Variants in ADGRL2 observed in about 807,000 individuals in gnomAD.
ADGRL2 encodes calcium-independent alpha-latrotoxin receptor 2.
ADGRL2 carries 44 observed loss-of-function variants against 157.4 expected under a neutral mutation model. That is an observed-to-expected ratio of 0.28 (90% CI 0.22 to 0.36). The LOEUF is 0.36. ADGRL2 is among the 10% of genes least tolerant of loss of function. ADGRL2 has a pLI of 1.00. For synonymous variants in ADGRL2, 585 were observed against 624.7 expected, an observed-to-expected ratio of 0.94 and a Z score of 0.95; for missense variants, 1,510 against 1,768.9, an observed-to-expected ratio of 0.85 and a Z score of 2.63.
Position 81,992,712 on chromosome 1 carries a change from T to C in ADGRL2, c.*1567T>C, listed in dbSNP as rs1414621920. On this transcript the variant is annotated 3_prime_UTR_variant, in exon 24 of 24. Transcript: ENST00000686636. Reference sequence around the variant, plus strand: ...AGGATTGGAAGTTCTGCCATCAAATTTGGGTATCATAAAAAGTTTTTAACT... The same window carrying C: ...AGGATTGGAAGTTCTGCCATCAAATCTGGGTATCATAAAAAGTTTTTAACT... Among the ~76,000 whole-genome samples the C allele has an allele frequency of 6.6e-6, 1 of 152,048 alleles. No homozygotes were observed. Among genetic ancestry groups the C allele is most frequent in the African/African-American group, 2.4e-5 (1 of 41,388 alleles).
chr1:81,780,106 G>C (rs1032954120), intron 2 of ADGRL2, among the ~76,000 whole-genome samples: 4 of 152,138 alleles, frequency 2.6e-5, no homozygotes, highest in Non-Finnish European at 1.5e-5. Context: ...TGTTCGTCTA[G>C]ATTTTTATCC....
intron 2 of ADGRL2, among the ~76,000 whole-genome samples, chr1:81,767,883 A>G (rs1476565296): frequency 2.0e-5 from 3 of 149,958 alleles, no homozygotes; most frequent in Non-Finnish European, 4.4e-5. Flanking sequence ...AAAAAAAAAG[A>G]AATTGCTGGG....
At chr1:81,478,582 T>A (rs2078320327) in intron 2 of ADGRL2, among the ~76,000 whole-genome samples, 1 of 152,208 alleles carries the variant, frequency 6.6e-6, no homozygotes, top group African/African-American at 2.4e-5. Context: ...AAGTCGCTGG[T>A]GTTTAAGCCT....
intron 2 of ADGRL2, among the ~76,000 whole-genome samples, chr1:81,877,304 T>C (rs1173261854): frequency 6.6e-6 from 1 of 152,140 alleles, no homozygotes; most frequent in Non-Finnish European, 1.5e-5. Context: ...GTCTGAATCA[T>C]AGCTCTTCTG....
chr1:81,392,148 GATAAT>G (rs967662479), intron 1 of ADGRL2, among the ~76,000 whole-genome samples: 2 of 151,030 alleles, frequency 1.3e-5, no homozygotes, highest in African/African-American at 4.9e-5. Flanking sequence ...TTGAAATATG[GATAAT>G]ATTGCTATCT....
chr1:81,895,511 G>C (rs1007412122), intron 2 of ADGRL2, among the ~76,000 whole-genome samples: 21 of 145,970 alleles, frequency 1.4e-4, no homozygotes, highest in African/African-American at 4.8e-4. Context: ...CGTTTCTCCT[G>C]CCTCAGCCTC....
intron 2 of ADGRL2, among the ~76,000 whole-genome samples, chr1:81,779,754 T>C (rs1031270443): frequency 6.6e-6 from 1 of 152,228 alleles, no homozygotes; most frequent in African/African-American, 2.4e-5. Flanking sequence ...AATCAAACTC[T>C]AAGAGCATAT....
chr1:81,629,314 T>C (rs988722995), intron 3 of ADGRL2, among the ~76,000 whole-genome samples: 2 of 152,154 alleles, frequency 1.3e-5, no homozygotes, highest in African/African-American at 2.4e-5. Flanking sequence ...TTATATCATA[T>C]TGAATGCCTG....
chr1:81,403,963 A>G (rs923772372), intron 1 of ADGRL2, among the ~76,000 whole-genome samples: 3 of 151,952 alleles, frequency 2.0e-5, no homozygotes, highest in Non-Finnish European at 2.9e-5. Context: ...ACACCCAGCT[A>G]ATTTTTGTAT....
intron 2 of ADGRL2, chr1:81,515,114 C>G (rs1185744980): frequency 6.6e-6 from 1 of 152,160 alleles, no homozygotes; most frequent in Non-Finnish European, 1.5e-5. Flanking sequence ...CTTGGCAGCT[C>G]TTCCTTTCCT....
intron 1 of ADGRL2, among the ~76,000 whole-genome samples, chr1:81,704,256 A>G: frequency 6.6e-6 from 1 of 152,218 alleles, no homozygotes; most frequent in East Asian, 1.9e-4. Context: ...TAAAAGTCTG[A>G]CTGTCTGCTT....
chr1:81,651,912 CAG>C (rs926223145), intron 3 of ADGRL2, among the ~76,000 whole-genome samples: 6 of 151,958 alleles, frequency 3.9e-5, no homozygotes, highest in African/African-American at 1.5e-4. Flanking sequence ...TTTGTAGAGA[CAG>C]GGGTCTCACT....
At chr1:81,545,585 G>T (rs2079996391) in intron 2 of ADGRL2, among the ~76,000 whole-genome samples, 1 of 152,020 alleles carries the variant, frequency 6.6e-6, no homozygotes, top group African/African-American at 2.4e-5. Context: ...TGGCCTGACT[G>T]ACTTCTAATG....
chr1:81,851,137 C>G (rs1267807234), intron 2 of ADGRL2, among the ~76,000 whole-genome samples: 1 of 151,878 alleles, frequency 6.6e-6, no homozygotes, highest in African/African-American at 2.4e-5. Flanking sequence ...GGATTAACAG[C>G]TAAGTATACT....
At chr1:81,821,157 A>G (rs561301187) in intron 1 of ADGRL2, among the ~76,000 whole-genome samples, 47 of 152,296 alleles carry the variant, frequency 3.1e-4, no homozygotes, top group Middle Eastern at 6.8e-3. Context: ...AGGAAACTAA[A>G]AATATGACAT....
intron 1 of ADGRL2, among the ~76,000 whole-genome samples, chr1:81,442,341 C>T (rs2077522758): frequency 6.6e-6 from 1 of 152,118 alleles, no homozygotes; most frequent in Non-Finnish European, 1.5e-5. Flanking sequence ...CAAAGATGAG[C>T]TTTTTTATTA....
chr1:81,699,915 C>T (rs1342022372), intron 1 of ADGRL2: 1 of 152,166 alleles, frequency 6.6e-6, no homozygotes, highest in Non-Finnish European at 1.5e-5. Flanking sequence ...GCAATCTTGC[C>T]AGTGTATTTC....
At chr1:81,308,071 C>CG (rs1557583670) in intron 1 of ADGRL2, among the ~76,000 whole-genome samples, 1 of 148,610 alleles carries the variant, frequency 6.7e-6, no homozygotes, top group African/African-American at 2.5e-5. Flanking sequence ...GGATAGCAAC[C>CG]GAAAAAAAAA....
intron 1 of ADGRL2, among the ~76,000 whole-genome samples, chr1:81,323,555 G>T (rs1660684366): frequency 6.6e-6 from 1 of 151,456 alleles, no homozygotes; most frequent in African/African-American, 2.4e-5. Flanking sequence ...ACCCAGCCAA[G>T]AAATTGGTGT....
Sources: gnomAD v4.1 joint callset for allele counts (sites outside exome capture counted in the v4.1 genomes callset) on GRCh38, gnomAD v4.1.1 for gene constraint, MANE v1.5 for transcripts, NCBI Gene and HGNC (gene_info 2026-07-23, HGNC 2026-07-21) for gene names.